LYZL4: variants seen among roughly 807,000 people sequenced by gnomAD.
LYZL4 encodes lysozyme like 4.
LYZL4 carries 13 observed loss-of-function variants against 17.6 expected under a neutral mutation model. The ratio of observed to expected loss-of-function variants is 0.74; its 90% CI spans 0.48 to 1.18. The LOEUF (loss-of-function observed/expected upper bound fraction) is 1.18. Among genes scored for constraint, LYZL4 ranks in the 50% most tolerant of loss-of-function variants. LYZL4 has a pLI of 0.00. For synonymous variants in LYZL4, 64 were observed against 67.7 expected (o/e 0.95, Z 0.27); for missense variants, 174 against 188.2 (o/e 0.92, Z 0.44).
chr3:42,395,375 G>A (rs926770946), downstream of LYZL4, among the ~76,000 whole-genome samples: 5 of 152,152 alleles, frequency 3.3e-5, no homozygotes, highest in African/African-American at 9.7e-5. Flanking sequence ...CTGTGCCGTT[G>A]TTAAAAATGG....
chr3:42,381,706 G>C, the LYZL4 span, among the ~76,000 whole-genome samples: 1 of 152,176 alleles, frequency 6.6e-6, no homozygotes, highest in African/African-American at 2.4e-5. Flanking sequence ...CAATTTCCTG[G>C]CTTCTTTGCT....
chr3:42,388,378 C>T, the LYZL4 span, among the ~76,000 whole-genome samples: 1 of 152,212 alleles, frequency 6.6e-6, no homozygotes, highest in Non-Finnish European at 1.5e-5. Flanking sequence ...TCCCAAAAGA[C>T]AAGCAACTTG....
intron 1 of LYZL4, among the ~76,000 whole-genome samples, chr3:42,410,078 C>A (rs1031819908): frequency 1.3e-5 from 2 of 152,134 alleles, no homozygotes; most frequent in African/African-American, 4.8e-5. Flanking sequence ...TCAAAGAAGA[C>A]GGTCTTTATT....
At chr3:42,403,793 T>C (rs1432984877) in intron 4 of LYZL4, among the ~76,000 whole-genome samples, 1 of 152,160 alleles carries the variant, frequency 6.6e-6, no homozygotes, top group Non-Finnish European at 1.5e-5. Context: ...TTTGAAGATG[T>C]TCATCCTAGC....
chr3:42,408,021 T>G lies in LYZL4; in HGVS notation c.-92-678A>C, dbSNP rs376152868. On this transcript the variant is annotated intron_variant, in intron 1 of 4. Coordinates refer to ENST00000287748, the MANE Select transcript of LYZL4 (RefSeq NM_144634.4). Reference sequence around the variant, plus strand: ...GCACTCAGAGAATGGACTCTTGAGTTTAACCTTCTCCATTTCTTTTCCATT... The same window carrying G: ...GCACTCAGAGAATGGACTCTTGAGTGTAACCTTCTCCATTTCTTTTCCATT... 3.9e-5 allele frequency among the ~76,000 whole-genome samples: 6 copies of G among 152,244 alleles called. No homozygotes were observed. The East Asian group carries it at 9.6e-4, about 24-fold the overall frequency.
chr3:42,385,174 G>T, the LYZL4 span, among the ~76,000 whole-genome samples: 4 of 142,228 alleles, frequency 2.8e-5, no homozygotes, highest in African/African-American at 1.2e-4. Context: ...AAAGTCTTTT[G>T]CCTCTTTTCA....
chr3:42,399,828 G>A (rs927246566), intron 4 of LYZL4, among the ~76,000 whole-genome samples: 6 of 152,084 alleles, frequency 3.9e-5, no homozygotes, highest in Admixed American at 2.0e-4. Context: ...TTTCCATTAT[G>A]TGCCAGGTGC....
intron 1 of LYZL4, among the ~76,000 whole-genome samples, chr3:42,409,896 T>C (rs968167882): frequency 4.6e-5 from 7 of 152,358 alleles, no homozygotes; most frequent in Admixed American, 6.5e-5. Flanking sequence ...CTCTCCTTTG[T>C]TCACCTTCAC....
chr3:42,368,408 C>G, the LYZL4 span, among the ~76,000 whole-genome samples: 1 of 152,122 alleles, frequency 6.6e-6, no homozygotes, highest in Non-Finnish European at 1.5e-5. Flanking sequence ...GGGCTGAGAA[C>G]GTTTTAGAAC....
the LYZL4 span, among the ~76,000 whole-genome samples, chr3:42,375,374 T>C: frequency 6.6e-6 from 1 of 152,240 alleles, no homozygotes; most frequent in Admixed American, 6.5e-5. Context: ...CCCTGGTTAC[T>C]TTACCTAAAG....
At chr3:42,403,834 GA>G (rs57234716) in intron 4 of LYZL4, among the ~76,000 whole-genome samples, 13 of 152,068 alleles carry the variant, frequency 8.5e-5, no homozygotes, top group Admixed American at 7.2e-4. Flanking sequence ...AGATTTGGGG[GA>G]AAAAAAGTAC....
Position 42,406,981 on chromosome 3 carries a change from AG to A in LYZL4, c.156del (p.Phe53SerfsTer48). On this transcript the variant is annotated frameshift_variant, in exon 3 of 5. Coordinates refer to ENST00000287748, the MANE Select transcript of LYZL4 (RefSeq NM_144634.4). LOFTEE classifies it high-confidence loss of function. ...GCCATGGGGTTGAACTTGCTCTCGA[AG>A]TAGGCCAGGCACACCCCTAAGATGG... ...YSLENWVCLA[Y>X]FESKFNPMAI... is the part of the protein sequence containing the mutation. 1 of 1,614,176 alleles carries A rather than the reference AG, an allele frequency of 6.2e-7. No homozygotes were observed. Among genetic ancestry groups the A allele is most frequent in the Non-Finnish European group, 8.5e-7 (1 of 1,180,040 alleles).
At chr3:42,364,765 C>T in the LYZL4 span, among the ~76,000 whole-genome samples, 14 of 152,300 alleles carry the variant, frequency 9.2e-5, no homozygotes, top group East Asian at 1.5e-3. Flanking sequence ...TGAGCCACCA[C>T]GCCCAGCCTC....
chr3:42,372,373 T>C, the LYZL4 span, among the ~76,000 whole-genome samples: 1 of 152,136 alleles, frequency 6.6e-6, no homozygotes. Flanking sequence ...TGATGGTTAG[T>C]GAATACTGTG....
intron 2 of LYZL4, 44 bp from the exon 3 acceptor site, chr3:42,407,042 T>C: frequency 1.2e-6 from 2 of 1,613,468 alleles, no homozygotes; most frequent in Non-Finnish European, 1.7e-6. Flanking sequence ...ACAGCTGGAG[T>C]TGGGGATGCT....
chr3:42,389,072 T>C, the LYZL4 span, among the ~76,000 whole-genome samples: 1 of 152,248 alleles, frequency 6.6e-6, no homozygotes, highest in South Asian at 2.1e-4. Context: ...ACATTGTCTA[T>C]TGGCATCCAG....
chr3:42,382,037 C>A, the LYZL4 span, among the ~76,000 whole-genome samples: 1 of 152,218 alleles, frequency 6.6e-6, no homozygotes, highest in South Asian at 2.1e-4. Flanking sequence ...CAAAACAGAG[C>A]AGGCCAATTC....
chr3:42,393,335 G>T (rs867144024), downstream of LYZL4, among the ~76,000 whole-genome samples: 33 of 126,086 alleles, frequency 2.6e-4, no homozygotes, highest in African/African-American at 1.1e-3. Context: ...ACGTGTGCGC[G>T]TGCACACACA....
the LYZL4 span, among the ~76,000 whole-genome samples, chr3:42,375,103 A>AC: frequency 3.9e-5 from 6 of 152,198 alleles, no homozygotes; most frequent in Admixed American, 3.9e-4. Flanking sequence ...GAGCCACTGT[A>AC]CCTGGCCTAG....
Sources: allele counts gnomAD v4.1 joint callset (sites outside exome capture counted in the v4.1 genomes callset), GRCh38; gene constraint gnomAD v4.1.1; transcripts MANE v1.5; gene names NCBI Gene and HGNC (gene_info 2026-07-23, HGNC 2026-07-21).